CNRIP1: variants seen among roughly 807,000 people sequenced by gnomAD.
CNRIP1 encodes the protein CB1 cannabinoid receptor-interacting protein 1.
CNRIP1 carries 10 observed loss-of-function variants against 15.2 expected under a neutral mutation model. The observed-to-expected ratio is 0.66, with a 90% CI of 0.41 to 1.12. The LOEUF (loss-of-function observed/expected upper bound fraction) is 1.12. CNRIP1 is among the 50% of genes most tolerant of loss of function. The pLI, the probability that CNRIP1 is intolerant of heterozygous loss-of-function variation, is 0.00. For synonymous variants in CNRIP1, 91 were observed against 83.2 expected (o/e 1.09, Z -0.51); for missense variants, 211 against 214.7 (o/e 0.98, Z 0.11).
At position 68,319,494 on chromosome 2, in the gene CNRIP1, G is replaced by T. The variant is rs1672415174; in HGVS notation, c.-94C>A. On this transcript the variant is annotated 5_prime_UTR_variant, in exon 1 of 3. Coordinates refer to ENST00000263655, the MANE Select transcript of CNRIP1 (RefSeq NM_015463.3). Reference sequence around the variant, plus strand: ...GGAGCGCGAGGGGCGGAGAGGAAGCGCGGGGAGGGTGAGGGAGGTGGTGGA... The same window carrying T: ...GGAGCGCGAGGGGCGGAGAGGAAGCTCGGGGAGGGTGAGGGAGGTGGTGGA... 2 of 1,305,700 alleles carry T rather than the reference G, an allele frequency of 1.5e-6. No homozygotes were observed. The highest frequency in any genetic ancestry group is 2.0e-6 in the Non-Finnish European group (2 of 988,296). The allele number at this position is 1,305,700 out of a possible 1,614,324, so 80.9% of individuals were successfully genotyped here. A position where few individuals can be genotyped will look rare whatever the true frequency, so the allele number is the denominator to read the frequency against.
chr2:68,305,406 A>C (rs1339020980), intron 2 of CNRIP1, among the ~76,000 whole-genome samples: 1 of 151,624 alleles, frequency 6.6e-6, no homozygotes, highest in Non-Finnish European at 1.5e-5. Context: ...AAGTAAATCC[A>C]ATCAATTAAT....
At chr2:68,302,546 C>T (rs1164259759) in intron 2 of CNRIP1, among the ~76,000 whole-genome samples, 1 of 152,154 alleles carries the variant, frequency 6.6e-6, no homozygotes, top group Non-Finnish European at 1.5e-5. Context: ...GTACCAGGGC[C>T]TCTAGAATTA....
chr2:68,313,246 T>C (rs10169617), intron 2 of CNRIP1, among the ~76,000 whole-genome samples: 67,199 of 152,026 alleles, frequency 0.44, 15,542 homozygotes, highest in East Asian at 0.73. Flanking sequence ...TGCTGGTGGA[T>C]ATACAAAATG....
At chr2:68,288,025 T>C (rs1186704999), downstream of CNRIP1, among the ~76,000 whole-genome samples, 1 of 151,914 alleles carries the variant, frequency 6.6e-6, no homozygotes, top group Non-Finnish European at 1.5e-5. Context: ...CCGTAAAGGC[T>C]AACAGATTGC....
intron 2 of CNRIP1, among the ~76,000 whole-genome samples, chr2:68,312,004 A>G (rs115797547): frequency 0.025 from 3,865 of 152,244 alleles, 151 homozygotes; most frequent in African/African-American, 0.079. Flanking sequence ...GTAATAAAAA[A>G]TCTTCAAATA....
At chr2:68,307,836 C>T (rs1167819596) in intron 2 of CNRIP1, among the ~76,000 whole-genome samples, 1 of 151,990 alleles carries the variant, frequency 6.6e-6, no homozygotes, top group Non-Finnish European at 1.5e-5. Flanking sequence ...GACCATTTTG[C>T]TCCTTTTAAA....
At chr2:68,284,508 T>A (rs1283357065) in intron 2 of CNRIP1, 4 of 1,512,852 alleles carry the variant, frequency 2.6e-6, no homozygotes, top group Non-Finnish European at 3.6e-6. Flanking sequence ...GATACCAGAA[T>A]AAGTTTGAGA....
downstream of CNRIP1, among the ~76,000 whole-genome samples, chr2:68,290,055 A>C (rs1214921148): frequency 9.5e-6 from 1 of 105,706 alleles, no homozygotes; most frequent in Non-Finnish European, 1.8e-5. Context: ...TTTGAGAAGG[A>C]GTCTCCTCTG....
At chr2:68,306,084 C>G (rs1475430515) in intron 2 of CNRIP1, among the ~76,000 whole-genome samples, 3 of 132,220 alleles carry the variant, frequency 2.3e-5, no homozygotes, top group Non-Finnish European at 4.6e-5. Flanking sequence ...TAGAATCATG[C>G]CACTTCATTG....
chr2:68,305,736 C>T (rs1316430344), intron 2 of CNRIP1, among the ~76,000 whole-genome samples: 1 of 146,426 alleles, frequency 6.8e-6, no homozygotes, highest in Non-Finnish European at 1.5e-5. Flanking sequence ...GCGGAGCTTG[C>T]AGTAAGCCGA....
rs540039342 is a variant in CNRIP1 at position 68,297,179 on chromosome 2, T to C, written c.331-3153A>G. 2.0e-5 allele frequency among the ~76,000 whole-genome samples: 3 copies of C among 152,326 alleles called. No homozygotes were observed. The Middle Eastern group carries it at 0.01, about 518-fold the overall frequency. On this transcript the variant is annotated intron_variant, in intron 2 of 2. Coordinates refer to ENST00000263655, the MANE Select transcript of CNRIP1 (RefSeq NM_015463.3). ...AAGTATTACCAAATAGTCATTATCC[T>C]TAATATAAAGGACCATATGCATTAT...
In CNRIP1 at chr2:68,305,304, G is replaced by A. The variant is rs1189827886; in HGVS notation, c.331-11278C>T. On this transcript the variant is annotated intron_variant, in intron 2 of 2. Coordinates refer to ENST00000263655, the MANE Select transcript of CNRIP1 (RefSeq NM_015463.3). ...TGTGTGTGTGTGTGTGTGTGTGTGT[G>A]TGTGTGTGTACATATAAAACATATA... Among the ~76,000 whole-genome samples the A allele has an allele frequency of 3.1e-4, 38 of 123,804 alleles. 2 individuals are homozygous for A. Among genetic ancestry groups the A allele is most frequent in the African/African-American group, 1.1e-3 (37 of 34,754 alleles). 81.2% of individuals were successfully genotyped at this position (123,804 alleles called of 152,430 possible).
intron 2 of CNRIP1, among the ~76,000 whole-genome samples, chr2:68,294,245 A>G (rs1671266009): frequency 6.6e-6 from 1 of 152,222 alleles, no homozygotes; most frequent in Non-Finnish European, 1.5e-5. Flanking sequence ...TCTTCTCTAT[A>G]AAATCTGATT....
intron 2 of CNRIP1, among the ~76,000 whole-genome samples, chr2:68,302,661 A>G (rs1045736248): frequency 6.6e-6 from 1 of 152,138 alleles, no homozygotes; most frequent in Non-Finnish European, 1.5e-5. Context: ...GTGAAATGTC[A>G]TTGACAGTAG....
downstream of CNRIP1, among the ~76,000 whole-genome samples, chr2:68,288,052 G>C (rs955628665): frequency 7.1e-6 from 1 of 140,034 alleles, no homozygotes; most frequent in East Asian, 2.1e-4. Flanking sequence ...CTTGCTGGCT[G>C]GTTTGCAGCC....
chr2:68,305,713 A>G (rs1236541271), intron 2 of CNRIP1, among the ~76,000 whole-genome samples: 2 of 149,420 alleles, frequency 1.3e-5, no homozygotes, highest in Non-Finnish European at 1.5e-5. Flanking sequence ...GGAGAATGGC[A>G]TGAACCCGGG....
chr2:68,314,489 G>A (rs1408311025), intron 2 of CNRIP1, among the ~76,000 whole-genome samples: 1 of 151,706 alleles, frequency 6.6e-6, no homozygotes, highest in East Asian at 1.9e-4. Flanking sequence ...TTGACTGCTA[G>A]CAGCAGTCAA....
chr2:68,304,740 C>T (rs747305773), intron 2 of CNRIP1, among the ~76,000 whole-genome samples: 92 of 152,088 alleles, frequency 6.0e-4, no homozygotes, highest in Non-Finnish European at 4.0e-4. Context: ...CCTGCCTCAA[C>T]CTCCCAAGTA....
chr2:68,308,406 GAAGT>G (rs1671942103), intron 2 of CNRIP1, among the ~76,000 whole-genome samples: 1 of 151,304 alleles, frequency 6.6e-6, no homozygotes, highest in Admixed American at 6.6e-5. Flanking sequence ...GACTCTTGAA[GAAGT>G]GTCATATTTC....
Sources: allele counts gnomAD v4.1 joint callset (sites outside exome capture counted in the v4.1 genomes callset), GRCh38; gene constraint gnomAD v4.1.1; transcripts MANE v1.5; gene names NCBI Gene and HGNC (gene_info 2026-07-23, HGNC 2026-07-21).